Variants in NCAM2 observed in about 807,000 individuals in gnomAD.
NCAM2 encodes the protein N-CAM-2.
Under a neutral mutation model 98.1 loss-of-function variants are expected in NCAM2, and 30 were observed. That is an observed-to-expected ratio of 0.31 (90% confidence interval 0.23 to 0.41). NCAM2 has a LOEUF of 0.41. Among genes scored for constraint, NCAM2 ranks in the 10% least tolerant of loss-of-function variants. The pLI is 1.00. For missense variants in NCAM2, 867 were observed against 1,005.8 expected (o/e 0.86, Z 1.87); for synonymous variants, 368 against 342.4 (o/e 1.07, Z -0.83).
At chr21:21,026,654 A>C (rs936529912) in intron 1 of NCAM2, among the ~76,000 whole-genome samples, 1 of 151,926 alleles carries the variant, frequency 6.6e-6, no homozygotes, top group Non-Finnish European at 1.5e-5. Flanking sequence ...CAAATTTAGT[A>C]TCTTTCCTGG....
In NCAM2 at chr21:21,397,766, C is replaced by T. The variant is rs78779615; in HGVS notation, c.1196-12508C>T. ...GCTTCTTCCTGTTCCTGGCCCCTGC[C>T]GGCTCTGTGGAGTGCACAAACCTGG... is the stretch of plus-strand genomic sequence containing the variant. On this transcript the variant is annotated intron_variant, in intron 9 of 17. Coordinates refer to ENST00000400546, the MANE Select transcript of NCAM2 (RefSeq NM_004540.5). 3.5e-4 allele frequency among the ~76,000 whole-genome samples: 53 copies of T among 152,324 alleles called. No homozygotes were observed. In the East Asian group the frequency reaches 8.1e-3, roughly 23 times the overall value.
chr21:21,481,266 T>C (rs1257712134), intron 15 of NCAM2, among the ~76,000 whole-genome samples: 1 of 152,168 alleles, frequency 6.6e-6, no homozygotes, highest in Admixed American at 6.5e-5. Context: ...TATCATATTA[T>C]ACTAGAAGAA....
chr21:21,005,736 C>T (rs902004755), intron 1 of NCAM2, among the ~76,000 whole-genome samples: 4 of 151,444 alleles, frequency 2.6e-5, no homozygotes, highest in South Asian at 2.1e-4. Flanking sequence ...AGCTTCTCTG[C>T]TTTATTTATA....
chr21:21,335,753 C>T (rs1057382918), intron 7 of NCAM2, 88 bp downstream of exon 7: 1 of 1,071,100 alleles, frequency 9.3e-7, no homozygotes, highest in East Asian at 3.0e-5. Context: ...ACTATTTAAA[C>T]TTTCCATATT....
chr21:21,112,321 C>T (rs746625130), intron 1 of NCAM2, among the ~76,000 whole-genome samples: 2 of 152,016 alleles, frequency 1.3e-5, no homozygotes, highest in Non-Finnish European at 2.9e-5. Context: ...TTCTGATTTT[C>T]GCTTAGAGAA....
intron 8 of NCAM2, among the ~76,000 whole-genome samples, chr21:21,353,483 CT>C (rs1261044059): frequency 6.6e-6 from 1 of 152,138 alleles, no homozygotes; most frequent in Non-Finnish European, 1.5e-5. Context: ...TCATAACCAC[CT>C]TATGTTTGCC....
intron 1 of NCAM2, among the ~76,000 whole-genome samples, chr21:21,140,643 CTGT>C (rs2067147481): frequency 1.3e-5 from 2 of 152,268 alleles, no homozygotes; most frequent in East Asian, 1.9e-4. Context: ...TGATTTACAG[CTGT>C]TATTTTATTC....
chr21:21,171,411 G>A (rs1415670255), intron 1 of NCAM2, among the ~76,000 whole-genome samples: 3 of 152,152 alleles, frequency 2.0e-5, no homozygotes, highest in South Asian at 4.1e-4. Flanking sequence ...ATTTGGTAGG[G>A]TATATTTTGT....
chr21:21,175,541 T>TA (rs202156201), intron 1 of NCAM2, among the ~76,000 whole-genome samples: 5,472 of 149,850 alleles, frequency 0.037, 140 homozygotes, highest in Non-Finnish European at 0.054. Context: ...TCAAAAAAAA[T>TA]AAAAAAAAAT....
chr21:21,364,797 C>G (rs1312737818), intron 8 of NCAM2, among the ~76,000 whole-genome samples: 1 of 152,002 alleles, frequency 6.6e-6, no homozygotes, highest in Non-Finnish European at 1.5e-5. Flanking sequence ...AATGTGGTCA[C>G]TAGATGTCAC....
At chr21:21,394,999 T>C (rs2076471292) in intron 9 of NCAM2, among the ~76,000 whole-genome samples, 1 of 152,186 alleles carries the variant, frequency 6.6e-6, no homozygotes, top group Non-Finnish European at 1.5e-5. Flanking sequence ...GTAGAAGAAC[T>C]GTGAGGCAAG....
At chr21:21,176,622 G>A (rs1160351049) in intron 1 of NCAM2, among the ~76,000 whole-genome samples, 9 of 151,938 alleles carry the variant, frequency 5.9e-5, no homozygotes, top group African/African-American at 2.2e-4. Context: ...TATTTTGAGG[G>A]AGAAATTAAT....
At chr21:21,133,209 A>G (rs747723596) in intron 1 of NCAM2, among the ~76,000 whole-genome samples, 8 of 152,228 alleles carry the variant, frequency 5.3e-5, no homozygotes, top group Non-Finnish European at 8.8e-5. Context: ...AATACTAACA[A>G]TGAAGAAAAC....
At chr21:21,373,598 G>A (rs2075968463) in intron 8 of NCAM2, among the ~76,000 whole-genome samples, 1 of 151,648 alleles carries the variant, frequency 6.6e-6, no homozygotes, top group South Asian at 2.1e-4. Flanking sequence ...CTGAGTGATT[G>A]GGTTTTGTTT....
intron 12 of NCAM2, among the ~76,000 whole-genome samples, chr21:21,435,483 C>T (rs923520131): frequency 8.5e-5 from 13 of 152,106 alleles, no homozygotes; most frequent in Non-Finnish European, 1.6e-4. Context: ...ATTTTTTCCT[C>T]CGCCTAGTTT....
chr21:21,391,979 GT>G (rs1220310671), intron 9 of NCAM2, among the ~76,000 whole-genome samples: 1 of 152,106 alleles, frequency 6.6e-6, no homozygotes, highest in African/African-American at 2.4e-5. Context: ...ACAAGTACTG[GT>G]TTGTTACACA....
chr21:21,518,668 TATAG>T (rs1200520396), intron 16 of NCAM2, among the ~76,000 whole-genome samples: 1 of 151,508 alleles, frequency 6.6e-6, no homozygotes, highest in Non-Finnish European at 1.5e-5. Flanking sequence ...TATATAAAGG[TATAG>T]ATAGAGATAT....
At chr21:21,373,807 A>C in intron 8 of NCAM2, 56 bp from the exon 9 acceptor site, 2 of 1,421,756 alleles carry the variant, frequency 1.4e-6, no homozygotes, top group Non-Finnish European at 1.9e-6. Flanking sequence ...ATGTTTGGTC[A>C]CCATTTTGCA....
intron 1 of NCAM2, among the ~76,000 whole-genome samples, chr21:21,087,001 T>C (rs969034163): frequency 6.6e-6 from 1 of 151,902 alleles, no homozygotes; most frequent in Admixed American, 6.6e-5. Flanking sequence ...TGTAGACATA[T>C]CTAACATTGT....
Sources: allele counts gnomAD v4.1 joint callset (sites outside exome capture counted in the v4.1 genomes callset), GRCh38; gene constraint gnomAD v4.1.1; transcripts MANE v1.5; gene names NCBI Gene and HGNC (gene_info 2026-07-23, HGNC 2026-07-21).